WDR7: variants seen among roughly 807,000 people sequenced by gnomAD.
The protein encoded by WDR7 is WD repeat-containing protein 7.
WDR7 carries 46 observed loss-of-function variants against 169.4 expected under a neutral mutation model. That is an observed-to-expected ratio of 0.27 (90% CI 0.21 to 0.35). The LOEUF (loss-of-function observed/expected upper bound fraction) is 0.35, where lower values mean the gene tolerates loss of function less well. Among genes scored for constraint, WDR7 ranks in the 10% least tolerant of loss-of-function variants. The pLI is 1.00. For missense variants in WDR7, 1,534 were observed against 1,859.3 expected (o/e 0.83, Z 3.22); for synonymous variants, 612 against 666.8 (o/e 0.92, Z 1.27).
chr18:56,841,422 T>C (rs2045484201), intron 20 of WDR7, among the ~76,000 whole-genome samples: 1 of 151,476 alleles, frequency 6.6e-6, no homozygotes, highest in African/African-American at 2.4e-5. Context: ...TGTGTGCCTA[T>C]AATCGCAGCT....
intron 26 of WDR7, among the ~76,000 whole-genome samples, chr18:56,995,398 T>C (rs976919288): frequency 6.6e-6 from 1 of 152,090 alleles, no homozygotes. Flanking sequence ...TCTATTAGGG[T>C]TGGGGAAGGA....
chr18:56,884,014 T>G (rs1181741324), intron 21 of WDR7, among the ~76,000 whole-genome samples: 1 of 151,988 alleles, frequency 6.6e-6, no homozygotes, highest in Non-Finnish European at 1.5e-5. Context: ...CTTGTTTTCC[T>G]CTGGGTAGAT....
At chr18:56,947,809 G>A (rs760618896) in intron 25 of WDR7, among the ~76,000 whole-genome samples, 2 of 152,222 alleles carry the variant, frequency 1.3e-5, no homozygotes, top group African/African-American at 2.4e-5. Context: ...GAATCTGTAT[G>A]TGTGATACGC....
intron 3 of WDR7, among the ~76,000 whole-genome samples, chr18:56,680,644 C>T (rs1156681776): frequency 6.6e-6 from 1 of 152,100 alleles, no homozygotes; most frequent in African/African-American, 2.4e-5. Flanking sequence ...ATAGACAAGG[C>T]ATGTTGACAT....
chr18:56,789,849 GTTGTACATAC>G (rs2044457705), intron 19 of WDR7, among the ~76,000 whole-genome samples: 2 of 152,172 alleles, frequency 1.3e-5, no homozygotes, highest in South Asian at 4.2e-4. Context: ...GCTTTAAGAA[GTTGTACATAC>G]TTAAGTCTAA....
intron 1 of WDR7, among the ~76,000 whole-genome samples, chr18:56,662,029 T>C (rs1315373270): frequency 1.3e-5 from 2 of 152,242 alleles, no homozygotes; most frequent in Admixed American, 1.3e-4. Flanking sequence ...CATTCTTCTT[T>C]CACTGCAGCT....
chr18:56,928,582 T>C (rs1338450874), intron 22 of WDR7, among the ~76,000 whole-genome samples: 2 of 152,168 alleles, frequency 1.3e-5, no homozygotes, highest in Non-Finnish European at 2.9e-5. Context: ...TGCAGTGAGT[T>C]TTTTCTTTGT....
At chr18:56,826,161 T>C (rs2045200068) in intron 20 of WDR7, among the ~76,000 whole-genome samples, 1 of 152,212 alleles carries the variant, frequency 6.6e-6, no homozygotes, top group African/African-American at 2.4e-5. Context: ...TAATAACTCA[T>C]GGATAAGGGT....
At chr18:56,929,957 C>T (rs2046858861) in intron 22 of WDR7, among the ~76,000 whole-genome samples, 1 of 152,204 alleles carries the variant, frequency 6.6e-6, no homozygotes, top group African/African-American at 2.4e-5. Flanking sequence ...GAAGCCTAGA[C>T]TTCCATCTCT....
intron 1 of WDR7, among the ~76,000 whole-genome samples, chr18:56,668,819 G>A (rs1286466942): frequency 6.6e-6 from 1 of 151,784 alleles, no homozygotes; most frequent in African/African-American, 2.4e-5. Flanking sequence ...CTGTTGGAAA[G>A]TCCAACCTTA....
chr18:56,980,052 T>C (rs1348738520), intron 26 of WDR7, among the ~76,000 whole-genome samples: 1 of 152,206 alleles, frequency 6.6e-6, no homozygotes, highest in East Asian at 1.9e-4. Context: ...CTAAGTGTCC[T>C]CTACCCACAA....
chr18:56,961,947 C>G (rs1435439166), intron 25 of WDR7, among the ~76,000 whole-genome samples: 1 of 151,978 alleles, frequency 6.6e-6, no homozygotes, highest in Non-Finnish European at 1.5e-5. Context: ...TATGATTGTT[C>G]TGCCAGAAAC....
chr18:56,791,157 A>G (rs1257726875), intron 19 of WDR7, among the ~76,000 whole-genome samples: 1 of 152,040 alleles, frequency 6.6e-6, no homozygotes, highest in African/African-American at 2.4e-5. Flanking sequence ...GTGTGTGTGT[A>G]TAATCTTAAT....
At chr18:57,034,778 G>T (rs7242864), downstream of WDR7, 19,342 of 152,012 alleles carry the variant, frequency 0.13, 1,450 homozygotes, top group East Asian at 0.36. Context: ...TCACCCAGTA[G>T]AGGCTAAATG....
At chr18:56,717,497 G>A (rs2026219253) in intron 12 of WDR7, among the ~76,000 whole-genome samples, 1 of 152,196 alleles carries the variant, frequency 6.6e-6, no homozygotes, top group South Asian at 2.1e-4. Flanking sequence ...GTGGCAGAGG[G>A]ACGGTGAGGG....
intron 20 of WDR7, among the ~76,000 whole-genome samples, chr18:56,846,425 A>G (rs906889831): frequency 2.6e-5 from 4 of 152,084 alleles, no homozygotes; most frequent in Admixed American, 2.6e-4. Context: ...ACGAGATCCC[A>G]TGGGTTTATC....
chr18:56,769,472 T>C (rs1195495077), intron 16 of WDR7, among the ~76,000 whole-genome samples: 7 of 152,218 alleles, frequency 4.6e-5, no homozygotes, highest in African/African-American at 1.7e-4. Flanking sequence ...GTGCTGCGAT[T>C]ACAGGAGTAA....
chr18:57,032,080 C>T (rs1252938668), downstream of WDR7: 1 of 152,192 alleles, frequency 6.6e-6, no homozygotes, highest in Non-Finnish European at 1.5e-5. Context: ...TGTTACCACC[C>T]CGCTTCTCAC....
intron 20 of WDR7, chr18:56,873,757 G>C (rs1321118193): frequency 6.6e-6 from 1 of 152,152 alleles, no homozygotes; most frequent in Non-Finnish European, 1.5e-5. Flanking sequence ...ATCCAAGCAG[G>C]GGAAGAAACT....
Sources: allele counts gnomAD v4.1 joint callset (sites outside exome capture counted in the v4.1 genomes callset), GRCh38; gene constraint gnomAD v4.1.1; transcripts MANE v1.5; gene names NCBI Gene and HGNC (gene_info 2026-07-23, HGNC 2026-07-21).